ALDH1A2: variants seen among roughly 807,000 people sequenced by gnomAD.
ALDH1A2 encodes the protein retinal dehydrogenase 2.
A neutral mutation model predicts 60.3 loss-of-function variants in ALDH1A2; 27 were observed. The observed-to-expected ratio is 0.45, with a 90% CI of 0.33 to 0.62. The LOEUF (loss-of-function observed/expected upper bound fraction) is 0.62, where lower values mean the gene tolerates loss of function less well. Ranked by LOEUF, ALDH1A2 falls within the 20% of genes least tolerant of loss-of-function variation. The pLI, the probability that ALDH1A2 is intolerant of heterozygous loss-of-function variation, is 0.02. For missense variants in ALDH1A2, 581 were observed against 643.8 expected (o/e 0.90, Z 1.06); for synonymous variants, 289 against 232.4 (o/e 1.24, Z -2.21).
At chr15:58,050,675 C>T (rs1234875044) in intron 1 of ALDH1A2, among the ~76,000 whole-genome samples, 1 of 152,104 alleles carries the variant, frequency 6.6e-6, no homozygotes, top group Admixed American at 6.6e-5. Flanking sequence ...AGTTTATAAA[C>T]AGATAAAGTG....
At chr15:58,003,761 A>C (rs536163434) in intron 4 of ALDH1A2, among the ~76,000 whole-genome samples, 1 of 152,064 alleles carries the variant, frequency 6.6e-6, no homozygotes, top group Non-Finnish European at 1.5e-5. Context: ...AATGGAGAAA[A>C]CAATACTTTT....
intron 7 of ALDH1A2, among the ~76,000 whole-genome samples, chr15:57,977,785 A>T (rs1243127247): frequency 6.6e-6 from 1 of 152,224 alleles, no homozygotes; most frequent in Non-Finnish European, 1.5e-5. Flanking sequence ...ATAGCATTGA[A>T]TTTATAAATT....
chr15:58,026,163 G>C, intron 1 of ALDH1A2, among the ~76,000 whole-genome samples: 1 of 152,062 alleles, frequency 6.6e-6, no homozygotes, highest in Non-Finnish European at 1.5e-5. Flanking sequence ...TGATGAAATA[G>C]ACACAAAAAT....
At chr15:58,028,598 C>G (rs1595676685) in intron 1 of ALDH1A2, among the ~76,000 whole-genome samples, 1 of 152,282 alleles carries the variant, frequency 6.6e-6, no homozygotes. Flanking sequence ...TTAAAAGACA[C>G]AGACTGCTAA....
At chr15:58,060,927 T>C (rs1326012569) in intron 1 of ALDH1A2, among the ~76,000 whole-genome samples, 1 of 152,206 alleles carries the variant, frequency 6.6e-6, no homozygotes, top group African/African-American at 2.4e-5. Context: ...ACTGATTTTG[T>C]CATGGTTAAA....
At chr15:58,002,913 C>T (rs1895322246) in intron 4 of ALDH1A2, among the ~76,000 whole-genome samples, 1 of 151,812 alleles carries the variant, frequency 6.6e-6, no homozygotes, top group African/African-American at 2.4e-5. Flanking sequence ...ACAGACCTCA[C>T]CCAACATTTT....
intron 10 of ALDH1A2, 84 bp from the exon 11 acceptor site, chr15:57,961,378 C>T: frequency 2.7e-6 from 4 of 1,491,442 alleles, no homozygotes; most frequent in Non-Finnish European, 3.7e-6. Context: ...TTTACTCTGC[C>T]TTGATTACTT....
intron 1 of ALDH1A2, among the ~76,000 whole-genome samples, chr15:58,059,219 A>G (rs1326187260): frequency 6.6e-6 from 1 of 152,252 alleles, no homozygotes; most frequent in Non-Finnish European, 1.5e-5. Flanking sequence ...ATTAAAAATT[A>G]ACCCAGGTGA....
chr15:57,979,106 G>C (rs1306009864), intron 7 of ALDH1A2, among the ~76,000 whole-genome samples: 4 of 152,028 alleles, frequency 2.6e-5, no homozygotes, highest in African/African-American at 4.8e-5. Flanking sequence ...CCACTTCCTT[G>C]TACAGGCCTC....
chr15:58,026,250 C>A (rs1436494509), intron 1 of ALDH1A2, among the ~76,000 whole-genome samples: 2 of 152,106 alleles, frequency 1.3e-5, no homozygotes. Flanking sequence ...AGGATTTTTA[C>A]CAGGAATGCA....
chr15:57,986,912 C>G (rs1257310145), intron 7 of ALDH1A2, among the ~76,000 whole-genome samples: 1 of 152,196 alleles, frequency 6.6e-6, no homozygotes, highest in Middle Eastern at 3.4e-3. Flanking sequence ...GCCTCAGCCT[C>G]CCAGAGTACT....
At chr15:58,065,057 G>T (rs1011148626) in intron 1 of ALDH1A2, among the ~76,000 whole-genome samples, 1 of 152,200 alleles carries the variant, frequency 6.6e-6, no homozygotes, top group Non-Finnish European at 1.5e-5. Context: ...AATTCCTTAC[G>T]GGAAAGCCCC....
In ALDH1A2 at chr15:57,954,907, T is replaced by C. The variant is rs1041125566; in HGVS notation, c.*290A>G. On this transcript the variant is annotated 3_prime_UTR_variant, in exon 13 of 13. Transcript: ENST00000249750. ...GAAATAATACAGCTCCCTTATTTCA[T>C]CCTGTGCTCCAGAAGGAGATACTGG... The C allele has an allele frequency of 6.0e-6, 3 of 501,246 alleles. No homozygotes were observed. The highest frequency in any genetic ancestry group is 3.2e-5 in the Admixed American group (1 of 31,176). 31.0% of individuals were successfully genotyped at this position (501,246 alleles called of 1,614,324 possible). A position where few individuals can be genotyped will look rare whatever the true frequency, so the allele number is the denominator to read the frequency against.
At chr15:57,963,783 C>T (rs1300534988) in intron 9 of ALDH1A2, 102 bp downstream of exon 9, 2 of 1,268,314 alleles carry the variant, frequency 1.6e-6, no homozygotes, top group Non-Finnish European at 2.3e-6. Context: ...AAGGAGTCAG[C>T]CGAAAAGGAA....
rs1243803757 is a variant in ALDH1A2 at position 57,954,945 on chromosome 15, G to GCTC, written c.*249_*251dup. On this transcript the variant is annotated 3_prime_UTR_variant, in exon 13 of 13. Transcript: ENST00000249750. ...AAGGAGATACTGGATGTGTCTGCTA[G>GCTC]CTCCTCCTCCTCCCTTTATCCCACT... is the stretch of plus-strand genomic sequence containing the variant. The GCTC allele has an allele frequency of 1.4e-5, 8 of 571,836 alleles. No homozygotes were observed. The highest frequency in any genetic ancestry group is 4.1e-5 in the South Asian group (2 of 49,140). 35.4% of individuals were successfully genotyped at this position (571,836 alleles called of 1,614,324 possible).
intron 1 of ALDH1A2, among the ~76,000 whole-genome samples, chr15:58,062,254 C>A (rs890008542): frequency 6.6e-5 from 10 of 151,712 alleles, no homozygotes; most frequent in Admixed American, 5.2e-4. Context: ...TAGTTATGGG[C>A]ATAAACTCTC....
chr15:58,060,799 CT>C (rs1355356061), intron 1 of ALDH1A2, among the ~76,000 whole-genome samples: 2 of 152,290 alleles, frequency 1.3e-5, no homozygotes, highest in East Asian at 1.9e-4. Flanking sequence ...TTGCTGACCC[CT>C]GATACTGTCA....
At chr15:58,033,848 G>C (rs1028044073) in intron 1 of ALDH1A2, among the ~76,000 whole-genome samples, 16 of 105,244 alleles carry the variant, frequency 1.5e-4, no homozygotes, top group Admixed American at 8.0e-4. Flanking sequence ...TTATTTTTCT[G>C]TATTTTTTTT....
intron 7 of ALDH1A2, among the ~76,000 whole-genome samples, chr15:57,972,616 A>AATCTC (rs1566933235): frequency 6.6e-6 from 1 of 152,166 alleles, no homozygotes; most frequent in East Asian, 1.9e-4. Context: ...TAAATCATGG[A>AATCTC]ATCTCATCCA....
Sources: gnomAD v4.1 joint callset for allele counts (sites outside exome capture counted in the v4.1 genomes callset) on GRCh38, gnomAD v4.1.1 for gene constraint, MANE v1.5 for transcripts, NCBI Gene and HGNC (gene_info 2026-07-23, HGNC 2026-07-21) for gene names.